Variants in PBRM1 observed in about 807,000 individuals in gnomAD.
The protein encoded by PBRM1 is polybromo 1.
In PBRM1, 27 loss-of-function variants were observed where a neutral mutation model predicts 194.5. That is an observed-to-expected ratio of 0.14 (90% confidence interval 0.10 to 0.19). PBRM1 has a LOEUF of 0.19. Among genes scored for constraint, PBRM1 ranks in the 10% least tolerant of loss-of-function variants. PBRM1 has a pLI of 1.00. For missense variants in PBRM1, 1,466 were observed against 2,077.2 expected, an observed-to-expected ratio of 0.71 and a Z score of 5.72; for synonymous variants, 655 against 693.2, an observed-to-expected ratio of 0.94 and a Z score of 0.87.
At chr3:52,635,842 G>C (rs1395396488) in intron 10 of PBRM1, among the ~76,000 whole-genome samples, 1 of 151,908 alleles carries the variant, frequency 6.6e-6, no homozygotes, top group African/African-American at 2.4e-5. Flanking sequence ...AATTTAGATT[G>C]GGCTGATTCT....
At chr3:52,685,579 T>C (rs1292889414) in intron 1 of PBRM1, 170 bp downstream of exon 1, 1 of 150,704 alleles carries the variant, frequency 6.6e-6, no homozygotes. Flanking sequence ...ACTGGGCCCA[T>C]CCGGAGGCCA....
At chr3:52,682,048 T>C (rs2097213039), upstream of PBRM1, 1 of 153,144 alleles carries the variant, frequency 6.5e-6, no homozygotes, top group Admixed American at 6.5e-5. Flanking sequence ...ACCAAATGCT[T>C]TCATATGTTT....
intron 2 of PBRM1, among the ~76,000 whole-genome samples, chr3:52,675,942 C>T (rs2097090985): frequency 9.9e-6 from 1 of 100,736 alleles, no homozygotes; most frequent in Admixed American, 1.1e-4. Flanking sequence ...GGTGAAACCC[C>T]GTCTCTACTA....
At chr3:52,597,959 C>A (rs2093696850) in intron 17 of PBRM1, among the ~76,000 whole-genome samples, 1 of 152,168 alleles carries the variant, frequency 6.6e-6, no homozygotes, top group African/African-American at 2.4e-5. Context: ...CCACTTTAGC[C>A]TTCCAAAGTG....
In PBRM1 at chr3:52,550,649, C is replaced by A; in HGVS notation, c.4681-12G>T. 1 of 1,553,074 alleles carries A rather than the reference C, an allele frequency of 6.4e-7. No individual in the cohort carries two copies. Among genetic ancestry groups the A allele is most frequent in the Non-Finnish European group, 8.7e-7 (1 of 1,148,228 alleles). ...CCCAAAACTCCCACCTGAAAGAGCA[C>A]AGGACCACATGGTGAGGCAAAAAGA... On this transcript the variant is annotated splice_polypyrimidine_tract_variant and intron_variant, in intron 28 of 29. Coordinates refer to ENST00000296302, the Ensembl canonical transcript of PBRM1.
At chr3:52,548,606 T>C (rs2080059000) in intron 29 of PBRM1, among the ~76,000 whole-genome samples, 1 of 152,098 alleles carries the variant, frequency 6.6e-6, no homozygotes, top group South Asian at 2.1e-4. Flanking sequence ...TTTCTATTTT[T>C]AGTAGAGACA....
exon 5 of PBRM1, chr3:52,658,237 G>A (rs2096646760): frequency 1.2e-6 from 2 of 1,611,508 alleles, no homozygotes; most frequent in African/African-American, 1.3e-5. Flanking sequence ...TCGCTAATGA[G>A]ACGTCCTGAT....
intron 20 of PBRM1, among the ~76,000 whole-genome samples, chr3:52,580,863 T>C (rs1379602917): frequency 1.3e-5 from 2 of 151,930 alleles, no homozygotes; most frequent in Non-Finnish European, 2.9e-5. Flanking sequence ...GCCTAACTCA[T>C]AAAAACCACT....
At chr3:52,634,621 T>C (rs764729828) in exon 11 of PBRM1, 8 of 1,606,950 alleles carry the variant, frequency 5.0e-6, no homozygotes, top group East Asian at 2.2e-5. Flanking sequence ...TGTAGTGATA[T>C]GGGCATTTTA....
At chr3:52,600,872 C>T (rs2093943572) in intron 17 of PBRM1, among the ~76,000 whole-genome samples, 1 of 152,172 alleles carries the variant, frequency 6.6e-6, no homozygotes, top group Admixed American at 6.5e-5. Flanking sequence ...CTCCTGACCT[C>T]ATGATCTGCT....
chr3:52,678,732 T>A, intron 1 of PBRM1, 135 bp from the exon 3 acceptor site: 4 of 586,846 alleles, frequency 6.8e-6, no homozygotes, highest in Non-Finnish European at 1.2e-5. Context: ...TTACCAAACA[T>A]GCTAAAGTCT....
At chr3:52,602,117 G>A (rs1043372754) in intron 17 of PBRM1, among the ~76,000 whole-genome samples, 5 of 152,186 alleles carry the variant, frequency 3.3e-5, no homozygotes, top group Admixed American at 1.3e-4. Context: ...ATTTTCATCG[G>A]TTTGATGATG....
intron 16 of PBRM1, among the ~76,000 whole-genome samples, chr3:52,605,966 A>C: frequency 6.6e-6 from 1 of 151,516 alleles, no homozygotes; most frequent in African/African-American, 2.4e-5. Context: ...AAAGCAATAA[A>C]AATAAAACTT....
exon 11 of PBRM1, chr3:52,634,785 G>C: frequency 1.2e-6 from 2 of 1,613,876 alleles, no homozygotes; most frequent in South Asian, 2.2e-5. Flanking sequence ...GATGCTTTCT[G>C]CTTCTGACTC....
intron 16 of PBRM1, among the ~76,000 whole-genome samples, chr3:52,604,948 ACT>A (rs1225952373): frequency 2.0e-5 from 3 of 150,518 alleles, no homozygotes; most frequent in African/African-American, 5.0e-5. Flanking sequence ...AGTGAGTGAG[ACT>A]CTGTCCCAAA....
At chr3:52,596,528 C>T (rs1361900168) in intron 17 of PBRM1, among the ~76,000 whole-genome samples, 1 of 139,846 alleles carries the variant, frequency 7.2e-6, no homozygotes, top group Non-Finnish European at 1.5e-5. Context: ...GCTGATTATT[C>T]AGGGCCCAAG....
intron 2 of PBRM1, among the ~76,000 whole-genome samples, chr3:52,678,175 C>T (rs2097145032): frequency 6.6e-6 from 1 of 152,054 alleles, no homozygotes; most frequent in Non-Finnish European, 1.5e-5. Context: ...TTATGTTGCC[C>T]AGGCTGGTGT....
Position 52,609,795 on chromosome 3 carries a change from G to T in PBRM1, c.2085C>A (p.Asp695Glu). The change falls in exon 16 of 30, where the codon GAC becomes GAA. Residue 695 changes from aspartate (D) to glutamate (E), a missense_variant. Around this residue, in one of 5 missense-constraint regions of PBRM1, gnomAD observed 687 missense variants for 946.2 expected, o/e 0.73. Coordinates refer to ENST00000296302, the Ensembl canonical transcript of PBRM1. This position sits in a 1 kb window ranked among gnomAD's most constrained non-coding sequence, Gnocchi z 4.1. ...TGGGCTTTTTAATAGTCAGATAGTA[G>T]TCAGGCAACTCAGATCTAGAGGGAA... is the stretch of plus-strand genomic sequence containing the variant. 1 of 1,612,952 alleles carries T rather than the reference G, an allele frequency of 6.2e-7. No homozygotes were observed. The highest frequency in any genetic ancestry group is 8.5e-7 in the Non-Finnish European group (1 of 1,179,654).
intron 19 of PBRM1, among the ~76,000 whole-genome samples, chr3:52,587,086 A>C (rs1354794904): frequency 1.3e-5 from 2 of 152,148 alleles, no homozygotes; most frequent in Non-Finnish European, 2.9e-5. Context: ...ATTATCCTTA[A>C]AAAAACATCA....
Sources: gnomAD v4.1 joint callset for allele counts (sites outside exome capture counted in the v4.1 genomes callset) on GRCh38, gnomAD v4.1.1 for gene constraint, gnomAD v4.1.1 regional missense constraint, Gnocchi (gnomAD v3.1) non-coding constraint, MANE v1.5 for transcripts, NCBI Gene and HGNC (gene_info 2026-07-23, HGNC 2026-07-21) for gene names.